Variants in GSG1 observed in about 807,000 individuals in gnomAD.
GSG1 encodes germ cell-specific gene 1 protein.
Under a neutral mutation model 30.8 loss-of-function variants are expected in GSG1, and 28 were observed. The observed-to-expected ratio is 0.91, with a 90% confidence interval of 0.67 to 1.25. The LOEUF (loss-of-function observed/expected upper bound fraction) is 1.25, where lower values mean the gene tolerates loss of function less well. Among genes scored for constraint, GSG1 ranks in the 50% most tolerant of loss-of-function variants. GSG1 has a pLI of 0.00. For missense variants in GSG1, 435 were observed against 444.7 expected, an observed-to-expected ratio of 0.98 and a Z score of 0.20; for synonymous variants, 162 against 178.0, an observed-to-expected ratio of 0.91 and a Z score of 0.71.
rs757723608 is a variant in GSG1 at position 13,084,857 on chromosome 12, G to A, written c.*44C>T. 49 of 1,278,082 alleles carry A rather than the reference G, an allele frequency of 3.8e-5. No homozygotes were observed. The highest frequency in any genetic ancestry group is 3.3e-4 in the East Asian group (13 of 39,288). 79.2% of individuals were successfully genotyped at this position (1,278,082 alleles called of 1,614,324 possible). A position where few individuals can be genotyped will look rare whatever the true frequency, so the allele number is the denominator to read the frequency against. On this transcript the variant is annotated 3_prime_UTR_variant, in exon 7 of 7. Coordinates refer to ENST00000651961, the MANE Select transcript of GSG1 (RefSeq NM_001080555.4). ...AAGCACATGTTGATAATCAGCAGAC[G>A]TGTAAGGTAGGGCTCAAGCCTACTC...
At chr12:13,099,750 G>GTTTTTTTTTTTTTTTTTTTTTTTTT (rs57762367) in intron 1 of GSG1, among the ~76,000 whole-genome samples, 5 of 114,832 alleles carry the variant, frequency 4.4e-5, no homozygotes, top group Non-Finnish European at 7.2e-5. Flanking sequence ...GTTTTTTTTT[G>GTTTTTTTTTTTTTTTTTTTTTTTTT]TTTTTTTTTT....
intron 1 of GSG1, among the ~76,000 whole-genome samples, chr12:13,097,158 C>T (rs1167881412): frequency 6.6e-6 from 1 of 152,088 alleles, no homozygotes; most frequent in African/African-American, 2.4e-5. Flanking sequence ...TTTGTGAGTC[C>T]CTAAACCCTG....
chr12:13,094,199 G>T (rs563509397), intron 1 of GSG1, among the ~76,000 whole-genome samples: 110 of 152,280 alleles, frequency 7.2e-4, no homozygotes, highest in African/African-American at 2.6e-3. Flanking sequence ...ATTTAAGAGA[G>T]AACTTTACCT....
At chr12:13,103,383 G>T in intron 1 of GSG1, 82 bp downstream of exon 1, 1 of 1,000,570 alleles carries the variant, frequency 1.0e-6, no homozygotes, top group Non-Finnish European at 1.6e-6. Context: ...AAATTGATGA[G>T]TTAGTGTAAC....
At chr12:13,089,417 A>G in intron 2 of GSG1, 141 bp from the exon 3 acceptor site, 3 of 1,411,438 alleles carry the variant, frequency 2.1e-6, no homozygotes, top group Non-Finnish European at 2.8e-6. Flanking sequence ...CTTTAGTACC[A>G]GGTGCTTTCT....
intron 2 of GSG1, among the ~76,000 whole-genome samples, chr12:13,089,503 G>A (rs1865877908): frequency 1.3e-5 from 2 of 152,122 alleles, no homozygotes; most frequent in Admixed American, 1.3e-4. Flanking sequence ...CAAACCTGAG[G>A]AACGCACATC....
intron 1 of GSG1, among the ~76,000 whole-genome samples, chr12:13,099,737 G>A (rs887061201): frequency 2.2e-5 from 3 of 138,856 alleles, no homozygotes; most frequent in East Asian, 4.2e-4. Flanking sequence ...TAAGGGATCC[G>A]GTGTTTTTTT....
rs1163668379 is a variant in GSG1 at position 13,084,561 on chromosome 12, C to T, written c.*340G>A. 5.6e-6 allele frequency: 1 copy of T among 177,186 alleles called. No homozygotes were observed. The highest frequency in any genetic ancestry group is 5.6e-5 in the Admixed American group (1 of 17,832). 11.0% of individuals were successfully genotyped at this position (177,186 alleles called of 1,614,324 possible). A position where few individuals can be genotyped will look rare whatever the true frequency, so the allele number is the denominator to read the frequency against. On this transcript the variant is annotated 3_prime_UTR_variant, in exon 7 of 7. Coordinates refer to ENST00000651961, the MANE Select transcript of GSG1 (RefSeq NM_001080555.4). ...CACCTCCATTTCTCCAATTTCCAGA[C>T]CAATAACTAGATGTATCAGATCCTT... is the stretch of plus-strand genomic sequence containing the variant.
At position 13,101,867 on chromosome 12, in the gene GSG1, T is replaced by C. The variant is rs552951748; in HGVS notation, c.48+1598A>G. Among the ~76,000 whole-genome samples, 12 of 152,294 alleles carry C rather than the reference T, an allele frequency of 7.9e-5. No homozygotes were observed. Among genetic ancestry groups the C allele is most frequent in the South Asian group, 4.1e-4 (2 of 4,832 alleles). ...GATCCGAGTTCTATTTACGACCCAA[T>C]GCACGACTGCACTGAGGATTTTGGC... On this transcript the variant is annotated intron_variant, in intron 1 of 6. Coordinates refer to ENST00000651961, the MANE Select transcript of GSG1 (RefSeq NM_001080555.4). The surrounding 1 kb of genome is among the most constrained non-coding windows in gnomAD (Gnocchi z 5.8).
intron 6 of GSG1, among the ~76,000 whole-genome samples, chr12:13,085,622 T>A (rs1865448851): frequency 6.6e-6 from 1 of 152,070 alleles, no homozygotes; most frequent in Admixed American, 6.6e-5. Context: ...CTGAGCTGTA[T>A]GCAGTGGACA....
At chr12:13,098,989 T>C (rs1355761740) in intron 1 of GSG1, among the ~76,000 whole-genome samples, 1 of 152,198 alleles carries the variant, frequency 6.6e-6, no homozygotes, top group Non-Finnish European at 1.5e-5. Flanking sequence ...GTACTCTTTT[T>C]CTTAAAGAGG....
rs1865379947 is a variant in GSG1 at position 13,085,049 on chromosome 12, CT to C, written c.940del (p.Ser314AlafsTer36). 4 of 1,594,354 alleles carry C rather than the reference CT, an allele frequency of 2.5e-6. No individual in the cohort carries two copies. Among genetic ancestry groups the C allele is most frequent in the Non-Finnish European group, 3.4e-6 (4 of 1,169,870 alleles). On this transcript the variant is annotated frameshift_variant, in exon 7 of 7. Coordinates refer to ENST00000651961, the MANE Select transcript of GSG1 (RefSeq NM_001080555.4). LOFTEE classifies it low-confidence loss of function (END_TRUNC). Reference protein sequence around the residue: ...SAAPTVGPLTSYHQYHNQPIH... With the variant: ...SAAPTVGPLTXYHQYHNQPIH... ...GGGCTGATTATGATACTGGTGGTAG[CT>C]GGTCAAAGGACCCACGGTGGGGGCT...
At chr12:13,100,132 TATGAATGAATGAATGA>T (rs35956952) in intron 1 of GSG1, among the ~76,000 whole-genome samples, 117 of 151,292 alleles carry the variant, frequency 7.7e-4, no homozygotes, top group Admixed American at 2.1e-3. Context: ...TTTTAACATC[TATGAATGAATGAATGA>T]ATGAATGAAT....
At position 13,101,946 on chromosome 12, in the gene GSG1, C is replaced by T. The variant is rs1409488637; in HGVS notation, c.48+1519G>A. Among the ~76,000 whole-genome samples the T allele has an allele frequency of 6.6e-6, 1 of 152,110 alleles. No homozygotes were observed. Among genetic ancestry groups the T allele is most frequent in the Non-Finnish European group, 1.5e-5 (1 of 68,016 alleles). ...ATTTACCCTCAGGGGTAAATGAGGG[C>T]AAAGAGTTGTCCTTCTTAGTTCTGT... On this transcript the variant is annotated intron_variant, in intron 1 of 6. Transcript: ENST00000651961. The surrounding 1 kb of genome is among the most constrained non-coding windows in gnomAD (Gnocchi z 5.8).
At chr12:13,100,446 C>T (rs527467699) in intron 1 of GSG1, among the ~76,000 whole-genome samples, 30 of 152,250 alleles carry the variant, frequency 2.0e-4, no homozygotes, top group South Asian at 1.0e-3. Flanking sequence ...ATGAGCAAAG[C>T]GCAGAAAACA....
intron 2 of GSG1, among the ~76,000 whole-genome samples, chr12:13,089,507 G>A (rs1565531812): frequency 6.6e-6 from 1 of 152,096 alleles, no homozygotes; most frequent in African/African-American, 2.4e-5. Context: ...CCTGAGGAAC[G>A]CACATCGACC....
Position 13,099,740 on chromosome 12 carries a change from G to GTT in GSG1, c.48+3723_48+3724dup, listed in dbSNP as rs1243237814. On this transcript the variant is annotated intron_variant, in intron 1 of 6. Transcript: ENST00000651961. Reference sequence around the variant, plus strand: ...AAGGCCTGGGGCTAAGGGATCCGGTGTTTTTTTTTGTTTTTTTTTTTTTTT... The same window carrying GTT: ...AAGGCCTGGGGCTAAGGGATCCGGTGTTTTTTTTTTTGTTTTTTTTTTTTTTT... 8.4e-3 allele frequency among the ~76,000 whole-genome samples: 800 copies of GTT among 95,528 alleles called. 16 individuals carry two copies. Among genetic ancestry groups the GTT allele is most frequent in the Middle Eastern group, 0.016 (3 of 188 alleles). 62.7% of individuals were successfully genotyped at this position (95,528 alleles called of 152,430 possible). A position where few individuals can be genotyped will look rare whatever the true frequency, so the allele number is the denominator to read the frequency against.
intron 6 of GSG1, among the ~76,000 whole-genome samples, chr12:13,086,322 C>G (rs545363853): frequency 1.3e-4 from 20 of 152,308 alleles, no homozygotes; most frequent in Admixed American, 6.5e-4. Flanking sequence ...CTCAGACTCC[C>G]AAATTATTAG....
In GSG1 at chr12:13,093,613, G is replaced by A. The variant is rs12370890; in HGVS notation, c.49-2795C>T. Among the ~76,000 whole-genome samples, 2,178 of 152,238 alleles carry A rather than the reference G, an allele frequency of 0.014. 28 individuals carry two copies. The highest frequency in any genetic ancestry group is 0.024 in the Non-Finnish European group (1,618 of 68,008). On this transcript the variant is annotated intron_variant, in intron 1 of 6. Coordinates refer to ENST00000651961, the MANE Select transcript of GSG1 (RefSeq NM_001080555.4). The surrounding 1 kb of genome is among the most constrained non-coding windows in gnomAD (Gnocchi z 4.6). The stretch of plus-strand genomic sequence containing the variant: ...AGTTTCAAATGCGAGGTGGCTGTGT[G>A]GTGCCTGTGTAGGCTGGACACCAGG...
Sources: gnomAD v4.1 joint callset for allele counts (sites outside exome capture counted in the v4.1 genomes callset) on GRCh38, gnomAD v4.1.1 for gene constraint, Gnocchi (gnomAD v3.1) non-coding constraint, MANE v1.5 for transcripts, NCBI Gene and HGNC (gene_info 2026-07-23, HGNC 2026-07-21) for gene names.